XKR6: variants seen among roughly 807,000 people sequenced by gnomAD.
The protein encoded by XKR6 is XK-related protein 6.
Under a neutral mutation model 56.7 loss-of-function variants are expected in XKR6, and 22 were observed. That is an observed-to-expected ratio of 0.39 (90% CI 0.28 to 0.55). The LOEUF is 0.55. Ranked by LOEUF, XKR6 falls within the 20% of genes least tolerant of loss-of-function variation. The probability of loss-of-function intolerance (pLI) is 0.66; values close to 1 mark genes in which losing one functional copy is unlikely to be tolerated. For missense variants in XKR6, 852 were observed against 889.0 expected (o/e 0.96, Z 0.53); for synonymous variants, 524 against 387.8 (o/e 1.35, Z -4.13).
chr8:11,112,221 G>A (rs565841923), intron 1 of XKR6, among the ~76,000 whole-genome samples: 12 of 152,268 alleles, frequency 7.9e-5, no homozygotes, highest in African/African-American at 2.6e-4. Flanking sequence ...TCATCATGGT[G>A]ACAGACATTC....
At chr8:10,964,124 T>G (rs1032187035) in intron 1 of XKR6, among the ~76,000 whole-genome samples, 2 of 152,202 alleles carry the variant, frequency 1.3e-5, no homozygotes, top group Admixed American at 6.5e-5. Context: ...AATCTTCTCC[T>G]GGGGTCCTGT....
chr8:11,129,302 T>G (rs1161743144), intron 1 of XKR6, among the ~76,000 whole-genome samples: 1 of 152,238 alleles, frequency 6.6e-6, no homozygotes, highest in South Asian at 2.1e-4. Context: ...AAATACCTAA[T>G]ACCCCTGATG....
At chr8:11,071,526 C>CATGAGCCCCGAGTCT (rs1563117604) in intron 1 of XKR6, among the ~76,000 whole-genome samples, 3 of 47,072 alleles carry the variant, frequency 6.4e-5, no homozygotes, top group Non-Finnish European at 1.3e-4. Context: ...GCCCCGAGTC[C>CATGAGCCCCGAGTCT]ATGAGCCCCG....
At chr8:11,180,716 G>A (rs1802925414) in intron 1 of XKR6, among the ~76,000 whole-genome samples, 1 of 152,014 alleles carries the variant, frequency 6.6e-6, no homozygotes, top group African/African-American at 2.4e-5. Context: ...CCCAGCCTGG[G>A]CAACACATTG....
chr8:10,940,630 G>T (rs967589244), intron 1 of XKR6, among the ~76,000 whole-genome samples: 2 of 152,134 alleles, frequency 1.3e-5, no homozygotes, highest in Non-Finnish European at 2.9e-5. Context: ...CGCAACACAG[G>T]TCCCACCCTC....
chr8:10,982,764 G>C lies in XKR6; in HGVS notation c.765-57934C>G, dbSNP rs186570041. 2.4e-3 allele frequency among the ~76,000 whole-genome samples: 366 copies of C among 152,328 alleles called. 1 individual carries two copies. Among genetic ancestry groups the C allele is most frequent in the African/African-American group, 8.3e-3 (344 of 41,576 alleles). ...CTAGATGCTGTGACCTTAACCTGCTGTGGTTGTAGGTGTTGAAGTGACCAA... is the reference window on the plus strand; with the variant it reads ...CTAGATGCTGTGACCTTAACCTGCTCTGGTTGTAGGTGTTGAAGTGACCAA... On this transcript the variant is annotated intron_variant, in intron 1 of 2. Transcript: ENST00000416569.
chr8:11,067,792 G>A (rs79529441), intron 1 of XKR6, among the ~76,000 whole-genome samples: 1 of 152,248 alleles, frequency 6.6e-6, no homozygotes. Flanking sequence ...CCAAGAGCAG[G>A]CGTTTCAGAG....
chr8:11,091,289 T>C (rs1798060942), intron 1 of XKR6, among the ~76,000 whole-genome samples: 1 of 152,006 alleles, frequency 6.6e-6, no homozygotes, highest in South Asian at 2.1e-4. Context: ...TATTTATAAA[T>C]TAGCCAGGTG....
In XKR6 at chr8:11,128,082, AC is replaced by A. The variant is rs796708057; in HGVS notation, c.764+72493del. Among the ~76,000 whole-genome samples the A allele has an allele frequency of 3.7e-4, 56 of 152,344 alleles. 2 individuals are homozygous for A. Among genetic ancestry groups the A allele is most frequent in the African/African-American group, 1.3e-3 (55 of 41,580 alleles). On this transcript the variant is annotated intron_variant, in intron 1 of 2. Transcript: ENST00000416569. ...AAGCCATCAAAATCTTTACGGCTTT[AC>A]CAATTAATACGGGACTAATTAAACA...
At chr8:10,956,692 C>G (rs111351971) in intron 1 of XKR6, among the ~76,000 whole-genome samples, 3 of 152,060 alleles carry the variant, frequency 2.0e-5, no homozygotes, top group African/African-American at 7.3e-5. Context: ...AGGGAAGCAT[C>G]GTGCCAATGG....
chr8:11,123,145 GA>G (rs1349812534), intron 1 of XKR6, among the ~76,000 whole-genome samples: 1 of 151,530 alleles, frequency 6.6e-6, no homozygotes, highest in Non-Finnish European at 1.5e-5. Flanking sequence ...GCTGAGGCAG[GA>G]GAATGGCTTG....
chr8:11,018,474 C>G (rs948259195), intron 1 of XKR6, among the ~76,000 whole-genome samples: 6 of 152,200 alleles, frequency 3.9e-5, no homozygotes, highest in Non-Finnish European at 8.8e-5. Context: ...GGCCTCCAGG[C>G]TAGCACTTCC....
At chr8:10,997,095 G>C (rs963587776) in intron 1 of XKR6, among the ~76,000 whole-genome samples, 1 of 152,108 alleles carries the variant, frequency 6.6e-6, no homozygotes, top group African/African-American at 2.4e-5. Context: ...TTCCAACAAG[G>C]TCATTCAGTG....
chr8:11,096,335 AC>A (rs144324267), intron 1 of XKR6, among the ~76,000 whole-genome samples: 5,034 of 152,286 alleles, frequency 0.033, 283 homozygotes, highest in African/African-American at 0.11. Flanking sequence ...GTCAACAAAT[AC>A]TTTTAAATCT....
chr8:11,150,077 G>T (rs1801195659), intron 1 of XKR6, among the ~76,000 whole-genome samples: 1 of 152,220 alleles, frequency 6.6e-6, no homozygotes, highest in Non-Finnish European at 1.5e-5. Context: ...GAAGAGTTGG[G>T]TGGGGGAGAG....
intron 1 of XKR6, among the ~76,000 whole-genome samples, chr8:11,155,521 A>G (rs933061170): frequency 2.6e-5 from 4 of 152,246 alleles, no homozygotes; most frequent in African/African-American, 9.6e-5. Context: ...AGATCCTCAC[A>G]TGGGATTCAA....
chr8:11,130,444 C>T (rs921325724), intron 1 of XKR6, among the ~76,000 whole-genome samples: 2 of 151,974 alleles, frequency 1.3e-5, no homozygotes, highest in South Asian at 4.1e-4. Flanking sequence ...GGATCAGGGG[C>T]GAGAACCGGG....
chr8:11,171,913 C>A (rs1053289827), intron 1 of XKR6, among the ~76,000 whole-genome samples: 2 of 151,956 alleles, frequency 1.3e-5, no homozygotes, highest in Admixed American at 1.3e-4. Flanking sequence ...CTTAGCCAGC[C>A]GTGGTGGCAG....
intron 1 of XKR6, among the ~76,000 whole-genome samples, chr8:11,168,772 C>G (rs1032819424): frequency 1.3e-5 from 2 of 152,154 alleles, no homozygotes; most frequent in African/African-American, 2.4e-5. Flanking sequence ...AATCAGGCTG[C>G]AGGCACAGAT....
Sources: gnomAD v4.1 joint callset for allele counts (sites outside exome capture counted in the v4.1 genomes callset) on GRCh38, gnomAD v4.1.1 for gene constraint, MANE v1.5 for transcripts, NCBI Gene and HGNC (gene_info 2026-07-23, HGNC 2026-07-21) for gene names.